TBC1D1: variants seen among roughly 807,000 people sequenced by gnomAD.
The protein encoded by TBC1D1 is TBC1 domain family member 1.
TBC1D1 carries 89 observed loss-of-function variants against 125.6 expected under a neutral mutation model. The observed-to-expected ratio is 0.71, with a 90% CI of 0.60 to 0.85. The LOEUF (loss-of-function observed/expected upper bound fraction) is 0.85. TBC1D1 is among the 40% of genes least tolerant of loss of function. The pLI, the probability that TBC1D1 is intolerant of heterozygous loss-of-function variation, is 0.00. For missense variants in TBC1D1, 1,377 were observed against 1,469.2 expected (o/e 0.94, Z 1.03); for synonymous variants, 565 against 564.1 (o/e 1.00, Z -0.02).
At chr4:37,923,633 A>G (rs1397711216) in intron 2 of TBC1D1, among the ~76,000 whole-genome samples, 1 of 151,680 alleles carries the variant, frequency 6.6e-6, no homozygotes, top group Non-Finnish European at 1.5e-5. Context: ...TAACCACAAA[A>G]GCCTTAACTA....
chr4:38,035,160 T>C (rs564773458), intron 7 of TBC1D1, among the ~76,000 whole-genome samples: 2 of 152,324 alleles, frequency 1.3e-5, no homozygotes, highest in East Asian at 1.9e-4. Flanking sequence ...TGCTTCACGG[T>C]GAACACATTC....
chr4:38,080,680 G>A (rs73241087), intron 12 of TBC1D1, among the ~76,000 whole-genome samples: 5 of 146,214 alleles, frequency 3.4e-5, no homozygotes, highest in Admixed American at 2.7e-4. Flanking sequence ...TCCTCACCCC[G>A]ACGAACGTCT....
intron 19 of TBC1D1, among the ~76,000 whole-genome samples, chr4:38,134,140 G>A (rs1185129296): frequency 1.3e-5 from 2 of 152,102 alleles, no homozygotes; most frequent in African/African-American, 2.4e-5. Context: ...AATTTTTATG[G>A]TGTTCCTGGG....
At chr4:37,964,095 A>G (rs1730600010) in intron 2 of TBC1D1, among the ~76,000 whole-genome samples, 1 of 152,222 alleles carries the variant, frequency 6.6e-6, no homozygotes, top group South Asian at 2.1e-4. Context: ...CTTGCTTACT[A>G]TAGCATCCCT....
chr4:38,118,001 A>G (rs1763247459), intron 16 of TBC1D1, 32 bp from the exon 19 acceptor site: 1 of 1,609,854 alleles, frequency 6.2e-7, no homozygotes, highest in East Asian at 2.2e-5. Context: ...GCAGATCCCT[A>G]ATTCTCAGCC....
chr4:38,047,923 A>G (rs1346016045), intron 10 of TBC1D1, among the ~76,000 whole-genome samples: 2 of 152,164 alleles, frequency 1.3e-5, no homozygotes, highest in African/African-American at 4.8e-5. Context: ...AGTAAGCCTT[A>G]TTGCTTGCTT....
At chr4:38,066,658 C>T (rs1415417453) in intron 12 of TBC1D1, among the ~76,000 whole-genome samples, 1 of 152,038 alleles carries the variant, frequency 6.6e-6, no homozygotes, top group East Asian at 1.9e-4. Context: ...AAAGAGCAGA[C>T]ATCTCCTGGA....
At chr4:38,098,044 C>G (rs1272103190) in intron 14 of TBC1D1, among the ~76,000 whole-genome samples, 1 of 152,222 alleles carries the variant, frequency 6.6e-6, no homozygotes, top group African/African-American at 2.4e-5. Context: ...GTGCTTATCT[C>G]AGAACACGTA....
chr4:38,130,603 G>A (rs1268492219), intron 18 of TBC1D1, among the ~76,000 whole-genome samples: 1 of 152,196 alleles, frequency 6.6e-6, no homozygotes, highest in Non-Finnish European at 1.5e-5. Context: ...GAAAGAAGAT[G>A]AGAGCCAGTC....
At chr4:37,976,965 A>C (rs1446123737) in intron 2 of TBC1D1, among the ~76,000 whole-genome samples, 1 of 152,172 alleles carries the variant, frequency 6.6e-6, no homozygotes, top group Non-Finnish European at 1.5e-5. Context: ...TTAGGAAGAA[A>C]AGCCCTGGGG....
chr4:37,968,843 G>T (rs1731530797), intron 2 of TBC1D1, among the ~76,000 whole-genome samples: 1 of 152,192 alleles, frequency 6.6e-6, no homozygotes, highest in South Asian at 2.1e-4. Flanking sequence ...GTGTGAGTGA[G>T]CAGGACCCAA....
In TBC1D1 at chr4:38,014,092, T is replaced by C. The variant is rs1017866674; in HGVS notation, c.418-417T>C. 1.7e-4 allele frequency among the ~76,000 whole-genome samples: 26 copies of C among 152,316 alleles called. No individual in the cohort carries two copies. Among genetic ancestry groups the C allele is most frequent in the African/African-American group, 5.3e-4 (22 of 41,568 alleles). On this transcript the variant is annotated intron_variant, in intron 2 of 19. Coordinates refer to ENST00000261439, the MANE Select transcript of TBC1D1 (RefSeq NM_015173.4). This position sits in a 1 kb window ranked among gnomAD's most constrained non-coding sequence, Gnocchi z 5.1. ...ATTGAGTCATGTTTTGTGAACCACGTTGGAGACAGACTTCTCTGGGAGGCG... is the reference window on the plus strand; with the variant it reads ...ATTGAGTCATGTTTTGTGAACCACGCTGGAGACAGACTTCTCTGGGAGGCG...
At chr4:37,964,329 G>T (rs1423356682) in intron 2 of TBC1D1, among the ~76,000 whole-genome samples, 1 of 152,188 alleles carries the variant, frequency 6.6e-6, no homozygotes, top group Non-Finnish European at 1.5e-5. Context: ...CTCACAGTTG[G>T]AAAGGAGGGT....
intron 18 of TBC1D1, among the ~76,000 whole-genome samples, chr4:38,128,040 C>T (rs1160506706): frequency 6.6e-6 from 1 of 152,140 alleles, no homozygotes; most frequent in Non-Finnish European, 1.5e-5. Context: ...ATTTTAAAAA[C>T]TGTGCAGCGT....
intron 1 of TBC1D1, among the ~76,000 whole-genome samples, chr4:37,896,145 A>G (rs980326574): frequency 2.0e-5 from 3 of 152,204 alleles, no homozygotes; most frequent in African/African-American, 7.2e-5. Context: ...GCCAATCAAT[A>G]TTGGCCGGTT....
At chr4:38,043,380 T>A (rs899209673) in intron 8 of TBC1D1, among the ~76,000 whole-genome samples, 3 of 151,876 alleles carry the variant, frequency 2.0e-5, no homozygotes, top group Non-Finnish European at 2.9e-5. Flanking sequence ...GGTAGATCAC[T>A]TGAGCTCAGG....
At chr4:37,901,158 T>TTTTG (rs1316953077) in intron 1 of TBC1D1, among the ~76,000 whole-genome samples, 1 of 151,976 alleles carries the variant, frequency 6.6e-6, no homozygotes, top group Non-Finnish European at 1.5e-5. Context: ...GTTTTCTGTT[T>TTTTG]TTTGTTTGTT....
chr4:38,121,254 C>T (rs1763804417), intron 17 of TBC1D1, among the ~76,000 whole-genome samples: 1 of 152,150 alleles, frequency 6.6e-6, no homozygotes, highest in South Asian at 2.1e-4. Flanking sequence ...AAGGCTCAGC[C>T]TTGACAAAGA....
rs1185258864 is a variant in TBC1D1 at position 37,977,287 on chromosome 4, C to T, written c.418-37222C>T. On this transcript the variant is annotated intron_variant, in intron 2 of 19. Coordinates refer to ENST00000261439, the MANE Select transcript of TBC1D1 (RefSeq NM_015173.4). This position sits in a 1 kb window ranked among gnomAD's most constrained non-coding sequence, Gnocchi z 4.3. The stretch of plus-strand genomic sequence containing the variant: ...ACCCCCTCCCCGCGCTCTCCCCTCC[C>T]ACTTCCCTTTCTCTGCCTGGCCGCC... 6.7e-6 allele frequency: 1 copy of T among 150,254 alleles called. No homozygotes were observed. The highest frequency in any genetic ancestry group is 1.5e-5 in the Non-Finnish European group (1 of 66,930). The allele number at this position is 150,254 out of a possible 1,614,324, so 9.3% of individuals were successfully genotyped here.
Sources: allele counts gnomAD v4.1 joint callset (sites outside exome capture counted in the v4.1 genomes callset), GRCh38; gene constraint gnomAD v4.1.1; non-coding constraint Gnocchi (gnomAD v3.1); transcripts MANE v1.5; gene names NCBI Gene and HGNC (gene_info 2026-07-23, HGNC 2026-07-21).